The following OVCH1 variants were observed in gnomAD, a reference collection of about 807,000 sequenced individuals.
OVCH1 encodes ovochymase-1.
OVCH1 carries 139 observed loss-of-function variants against 138.4 expected under a neutral mutation model. The ratio of observed to expected loss-of-function variants is 1.00; its 90% CI spans 0.87 to 1.16. The LOEUF (loss-of-function observed/expected upper bound fraction) is 1.16, where lower values mean the gene tolerates loss of function less well. OVCH1 is among the 50% of genes most tolerant of loss of function. OVCH1 has a pLI of 0.00. For missense variants in OVCH1, 1,367 were observed against 1,357.9 expected, an observed-to-expected ratio of 1.01 and a Z score of -0.11; for synonymous variants, 453 against 467.8, an observed-to-expected ratio of 0.97 and a Z score of 0.41.
Position 29,474,139 on chromosome 12 carries a change from TAATAC to T in OVCH1, c.1600+917_1600+921del, listed in dbSNP as rs1306139219. 2.0e-5 allele frequency among the ~76,000 whole-genome samples: 3 copies of T among 150,794 alleles called. No homozygotes were observed. In the East Asian group the frequency reaches 5.9e-4, roughly 29 times the overall value. On this transcript the variant is annotated intron_variant, in intron 14 of 27. Transcript: ENST00000318184. ...TCTGTCCCTCTAAGAGAACCCTGAC[TAATAC>T]AACACTGGACTTGTCTTCCTTCATA... is the stretch of plus-strand genomic sequence containing the variant.
intron 8 of OVCH1, among the ~76,000 whole-genome samples, 101 bp from the exon 10 acceptor site, chr12:29,479,069 C>T (rs1287417852): frequency 1.3e-5 from 2 of 152,100 alleles, no homozygotes; most frequent in African/African-American, 4.8e-5. Flanking sequence ...AACAACCATA[C>T]AATTTTATAG....
intron 16 of OVCH1, among the ~76,000 whole-genome samples, chr12:29,467,675 T>A (rs1323834332): frequency 1.3e-5 from 2 of 152,168 alleles, no homozygotes; most frequent in Non-Finnish European, 2.9e-5. Flanking sequence ...AATTGCAAAG[T>A]GAGCTTGGTC....
chr12:29,458,344 A>T (rs993493471), intron 19 of OVCH1, among the ~76,000 whole-genome samples: 5 of 151,910 alleles, frequency 3.3e-5, no homozygotes, highest in African/African-American at 1.2e-4. Context: ...CCATACATCT[A>T]CATTGAACTC....
intron 25 of OVCH1, among the ~76,000 whole-genome samples, chr12:29,442,243 C>A (rs1941504559): frequency 6.6e-6 from 1 of 151,848 alleles, no homozygotes; most frequent in Non-Finnish European, 1.5e-5. Flanking sequence ...CAATGATAGA[C>A]CGGATCAAGA....
intron 3 of OVCH1, among the ~76,000 whole-genome samples, chr12:29,412,878 C>T (rs904887644): frequency 6.6e-6 from 1 of 152,212 alleles, no homozygotes; most frequent in Non-Finnish European, 1.5e-5. Flanking sequence ...AACAAAGTCT[C>T]ACGCTGTCAT....
At chr12:29,461,068 T>G (rs937998445) in intron 19 of OVCH1, among the ~76,000 whole-genome samples, 4 of 152,140 alleles carry the variant, frequency 2.6e-5, no homozygotes, top group African/African-American at 9.7e-5. Flanking sequence ...GTTTCTTGAC[T>G]GAGTGGTGGG....
chr12:29,448,253 G>A (rs1031862392), intron 22 of OVCH1, among the ~76,000 whole-genome samples: 2 of 150,820 alleles, frequency 1.3e-5, no homozygotes, highest in Non-Finnish European at 2.9e-5. Context: ...GGTAATGCTT[G>A]CCAGTTGTTC....
At chr12:29,477,994 A>G (rs1398817430) in intron 9 of OVCH1, among the ~76,000 whole-genome samples, 1 of 152,214 alleles carries the variant, frequency 6.6e-6, no homozygotes, top group African/African-American at 2.4e-5. Context: ...GACAATAAAT[A>G]TTATAACCCC....
At chr12:29,453,186 C>A (rs1941847213) in intron 21 of OVCH1, among the ~76,000 whole-genome samples, 1 of 152,078 alleles carries the variant, frequency 6.6e-6, no homozygotes, top group African/African-American at 2.4e-5. Flanking sequence ...GGATCTTGGA[C>A]CCAAGTCTGC....
chr12:29,411,430 G>A (rs1940954223), downstream of OVCH1, among the ~76,000 whole-genome samples: 1 of 151,582 alleles, frequency 6.6e-6, no homozygotes, highest in Admixed American at 6.6e-5. Context: ...CCATCTTTGT[G>A]GTTTTATCTA....
chr12:29,448,844 C>G (rs914756182), intron 22 of OVCH1, among the ~76,000 whole-genome samples: 1 of 152,102 alleles, frequency 6.6e-6, no homozygotes, highest in Non-Finnish European at 1.5e-5. Context: ...GACCTCTATG[C>G]ACTTCAGAAT....
exon 9 of OVCH1, chr12:29,478,870 T>A: frequency 6.3e-7 from 1 of 1,594,394 alleles, no homozygotes. Context: ...TAAAGATACA[T>A]AGTCATGATC....
chr12:29,423,635 C>A (rs1941136799), downstream of OVCH1, among the ~76,000 whole-genome samples: 1 of 152,192 alleles, frequency 6.6e-6, no homozygotes, highest in African/African-American at 2.4e-5. Flanking sequence ...TGCTCTAAAA[C>A]ACAATAATGA....
chr12:29,439,354 T>C (rs1941426585), exon 26 of OVCH1: 12 of 1,582,810 alleles, frequency 7.6e-6, no homozygotes, highest in Non-Finnish European at 1.0e-5. Context: ...ATATGCATGA[T>C]ATATGTGTTA....
intron 4 of OVCH1, 57 bp from the exon 5 acceptor site, chr12:29,491,249 T>A: frequency 7.3e-7 from 1 of 1,372,812 alleles, no homozygotes; most frequent in Non-Finnish European, 1.0e-6. Context: ...TTGAATATAT[T>A]TGGAAAAGTG....
In OVCH1 at chr12:29,487,461, G is replaced by A. The variant is rs192335958; in HGVS notation, c.892+232C>T. The stretch of plus-strand genomic sequence containing the variant: ...TCTCAAGGTCTATTAATAAAATCTC[G>A]TAAATGCAAAAAGGCATCTCATGAA... On this transcript the variant is annotated intron_variant, in intron 7 of 27. Transcript: ENST00000318184. The A allele has an allele frequency of 5.4e-4, 219 of 408,796 alleles. 1 individual carries two copies. Among genetic ancestry groups the A allele is most frequent in the Admixed American group, 1.8e-3 (43 of 24,360 alleles). The allele number at this position is 408,796 out of a possible 1,614,324, so 25.3% of individuals were successfully genotyped here.
intron 6 of OVCH1, among the ~76,000 whole-genome samples, chr12:29,488,881 C>T (rs3825230): frequency 0.38 from 58,064 of 151,512 alleles, 11,400 homozygotes; most frequent in East Asian, 0.55. Context: ...ATTTAGAAAG[C>T]GGCATAAGTG....
intron 3 of OVCH1, among the ~76,000 whole-genome samples, chr12:29,418,708 C>T (rs773265560): frequency 2.0e-5 from 3 of 152,204 alleles, no homozygotes; most frequent in Non-Finnish European, 2.9e-5. Context: ...TATCAAATCA[C>T]TGCTTCCCAT....
chr12:29,406,551 C>T, the OVCH1 span, among the ~76,000 whole-genome samples: 2 of 151,812 alleles, frequency 1.3e-5, no homozygotes, highest in Non-Finnish European at 2.9e-5. Flanking sequence ...TGAGAATATA[C>T]GGTGTTTGGT....
Sources: allele counts gnomAD v4.1 joint callset (sites outside exome capture counted in the v4.1 genomes callset), GRCh38; gene constraint gnomAD v4.1.1; transcripts MANE v1.5; gene names NCBI Gene and HGNC (gene_info 2026-07-23, HGNC 2026-07-21).